The following NCOA7 variants were observed in gnomAD, a reference collection of about 807,000 sequenced individuals.
The protein encoded by NCOA7 is 140 kDa estrogen receptor-associated protein.
In NCOA7, 45 loss-of-function variants were observed where a neutral mutation model predicts 104.3. The ratio of observed to expected loss-of-function variants is 0.43; its 90% CI spans 0.34 to 0.55. The LOEUF (loss-of-function observed/expected upper bound fraction) is 0.55, where lower values mean the gene tolerates loss of function less well. Among genes scored for constraint, NCOA7 ranks in the 20% least tolerant of loss-of-function variants. NCOA7 has a pLI of 0.02. For missense variants in NCOA7, 1,041 were observed against 1,119.7 expected, an observed-to-expected ratio of 0.93 and a Z score of 1.00; for synonymous variants, 398 against 402.3, an observed-to-expected ratio of 0.99 and a Z score of 0.13.
chr6:125,920,485 ATCT>A (rs1164486688), intron 11 of NCOA7, among the ~76,000 whole-genome samples: 1 of 152,238 alleles, frequency 6.6e-6, no homozygotes, highest in Non-Finnish European at 1.5e-5. Flanking sequence ...AAAGGTAGAA[ATCT>A]TCTGGTGTTA....
chr6:125,805,781 G>A (rs1776392729), intron 1 of NCOA7, among the ~76,000 whole-genome samples: 1 of 152,094 alleles, frequency 6.6e-6, no homozygotes, highest in Non-Finnish European at 1.5e-5. Flanking sequence ...TATTTGGGGC[G>A]GATTTGAATG....
chr6:125,838,345 G>A (rs2128600625), intron 2 of NCOA7, among the ~76,000 whole-genome samples: 1 of 152,188 alleles, frequency 6.6e-6, no homozygotes, highest in South Asian at 2.1e-4. Context: ...TTGTTATACA[G>A]ATGAAACCTG....
chr6:125,912,137 C>T (rs532499299), intron 10 of NCOA7, among the ~76,000 whole-genome samples: 100 of 152,068 alleles, frequency 6.6e-4, no homozygotes, highest in Non-Finnish European at 1.9e-4. Context: ...ACAGGCGGGT[C>T]CACTAGATGC....
upstream of NCOA7, among the ~76,000 whole-genome samples, chr6:125,789,077 A>T (rs1055783752): frequency 6.6e-6 from 1 of 152,240 alleles, no homozygotes; most frequent in Non-Finnish European, 1.5e-5. Context: ...GTTAAAGAGT[A>T]AGCAACTGCC....
chr6:125,793,637 G>A (rs1224960639), intron 1 of NCOA7, among the ~76,000 whole-genome samples: 3 of 152,078 alleles, frequency 2.0e-5, no homozygotes, highest in Non-Finnish European at 4.4e-5. Context: ...CCTAAAGGCT[G>A]TATTTTAGAA....
Position 125,921,706 on chromosome 6 carries a change from A to G in NCOA7, c.2370+638A>G, listed in dbSNP as rs141970410. 8.5e-5 allele frequency among the ~76,000 whole-genome samples: 13 copies of G among 152,302 alleles called. No individual in the cohort carries two copies. In the East Asian group the frequency reaches 2.5e-3, roughly 29 times the overall value. On this transcript the variant is annotated intron_variant, in intron 12 of 15. Coordinates refer to ENST00000392477, the MANE Select transcript of NCOA7 (RefSeq NM_181782.5). ...AAAAGGATCCAAATTTATCCTTGTA[A>G]TTATTGCAGAGTTCCCATAGCTTTG...
intron 10 of NCOA7, 126 bp downstream of exon 10, chr6:125,890,936 A>G: frequency 1.0e-6 from 1 of 970,790 alleles, no homozygotes; most frequent in Non-Finnish European, 1.4e-6. Flanking sequence ...TAGATTTTAG[A>G]ATTCTAGAAG....
intron 10 of NCOA7, among the ~76,000 whole-genome samples, chr6:125,909,821 G>C (rs753909548): frequency 1.3e-5 from 2 of 152,006 alleles, no homozygotes; most frequent in African/African-American, 2.4e-5. Context: ...GAAAAAAAAA[G>C]AAAGGACTTA....
intron 10 of NCOA7, among the ~76,000 whole-genome samples, chr6:125,895,802 C>G (rs1784955127): frequency 6.6e-6 from 1 of 152,088 alleles, no homozygotes; most frequent in Admixed American, 6.6e-5. Context: ...GGAGAACCCA[C>G]TACAGCAAGG....
intron 11 of NCOA7, 121 bp downstream of exon 11, chr6:125,915,601 A>G: frequency 3.3e-6 from 4 of 1,215,984 alleles, no homozygotes; most frequent in Admixed American, 4.9e-5. Flanking sequence ...ATGAAATTAC[A>G]GAGGAAAATA....
chr6:125,839,006 G>T (rs1035327274), intron 2 of NCOA7, among the ~76,000 whole-genome samples: 1 of 152,148 alleles, frequency 6.6e-6, no homozygotes, highest in African/African-American at 2.4e-5. Flanking sequence ...CAGACGCATA[G>T]TGTGTTCATC....
intron 1 of NCOA7, among the ~76,000 whole-genome samples, chr6:125,813,905 A>C (rs1777319587): frequency 8.7e-6 from 1 of 115,364 alleles, no homozygotes; most frequent in South Asian, 3.7e-4. Flanking sequence ...GAAAATGGCT[A>C]AATTTAGCTA....
intron 2 of NCOA7, among the ~76,000 whole-genome samples, chr6:125,850,442 TTGA>T (rs749531333): frequency 6.6e-6 from 1 of 152,194 alleles, no homozygotes; most frequent in Non-Finnish European, 1.5e-5. Context: ...GCTATATGTG[TTGA>T]TAATAATAGT....
chr6:125,878,809 G>A (rs539141989), intron 5 of NCOA7, among the ~76,000 whole-genome samples: 2 of 152,148 alleles, frequency 1.3e-5, no homozygotes, highest in Non-Finnish European at 2.9e-5. Flanking sequence ...ATATGTGTTG[G>A]GAGCAAACCC....
At chr6:125,874,585 A>T (rs909975108) in intron 3 of NCOA7, among the ~76,000 whole-genome samples, 1 of 152,228 alleles carries the variant, frequency 6.6e-6, no homozygotes, top group Non-Finnish European at 1.5e-5. Flanking sequence ...GGCATCATTT[A>T]TATGGTAACT....
chr6:125,786,628 G>A (rs945721165), upstream of NCOA7, among the ~76,000 whole-genome samples: 1 of 147,540 alleles, frequency 6.8e-6, no homozygotes, highest in Middle Eastern at 3.6e-3. Context: ...CCAGGCTGGA[G>A]TGCATAAGCG....
chr6:125,898,924 T>A (rs1785265689), intron 10 of NCOA7, among the ~76,000 whole-genome samples: 1 of 152,136 alleles, frequency 6.6e-6, no homozygotes, highest in African/African-American at 2.4e-5. Context: ...TCTCATAGTT[T>A]TGTTACAGAG....
intron 2 of NCOA7, among the ~76,000 whole-genome samples, chr6:125,822,700 T>C (rs1369552821): frequency 6.6e-6 from 1 of 152,068 alleles, no homozygotes; most frequent in African/African-American, 2.4e-5. Context: ...TTTGGGAGGC[T>C]GAGGCAAGCA....
intron 3 of NCOA7, among the ~76,000 whole-genome samples, chr6:125,873,143 G>A (rs2475850): frequency 0.063 from 9,586 of 152,174 alleles, 421 homozygotes; most frequent in Middle Eastern, 0.11. Context: ...TGATATCGTT[G>A]AGACATTTCC....
Sources: allele counts gnomAD v4.1 joint callset (sites outside exome capture counted in the v4.1 genomes callset), GRCh38; gene constraint gnomAD v4.1.1; transcripts MANE v1.5; gene names NCBI Gene and HGNC (gene_info 2026-07-23, HGNC 2026-07-21).